RALYL: variants seen among roughly 807,000 people sequenced by gnomAD.
RALYL encodes the protein RALY RNA binding protein like.
Under a neutral mutation model 35.1 loss-of-function variants are expected in RALYL, and 29 were observed. The observed-to-expected ratio is 0.83, with a 90% CI of 0.61 to 1.13. The LOEUF is 1.13. Ranked by LOEUF, RALYL falls within the 50% of genes most tolerant of loss-of-function variation. The pLI, the probability that RALYL is intolerant of heterozygous loss-of-function variation, is 0.00. For missense variants in RALYL, 359 were observed against 360.4 expected (o/e 1.00, Z 0.03); for synonymous variants, 120 against 127.6 (o/e 0.94, Z 0.40).
At chr8:84,893,075 C>T (rs1345504828) in intron 8 of RALYL, among the ~76,000 whole-genome samples, 1 of 152,072 alleles carries the variant, frequency 6.6e-6, no homozygotes, top group East Asian at 1.9e-4. Context: ...ATGGTAAGAA[C>T]CATACAAAAA....
At chr8:84,316,030 T>C (rs142276971) in intron 1 of RALYL, among the ~76,000 whole-genome samples, 2,776 of 152,226 alleles carry the variant, frequency 0.018, 37 homozygotes, top group South Asian at 0.03. Flanking sequence ...TGTAAAATTA[T>C]CTTTACTTTG....
chr8:84,581,860 T>C (rs1318635252), intron 2 of RALYL, among the ~76,000 whole-genome samples: 1 of 152,162 alleles, frequency 6.6e-6, no homozygotes, highest in Non-Finnish European at 1.5e-5. Context: ...ATTATTCTTT[T>C]TAATCAACCA....
At chr8:84,580,575 G>A (rs1810594503) in intron 2 of RALYL, among the ~76,000 whole-genome samples, 1 of 152,088 alleles carries the variant, frequency 6.6e-6, no homozygotes, top group African/African-American at 2.4e-5. Flanking sequence ...TTGTCCATTA[G>A]GTCCCGCCTG....
chr8:84,444,384 C>T (rs1404701084), intron 1 of RALYL, among the ~76,000 whole-genome samples: 1 of 151,674 alleles, frequency 6.6e-6, no homozygotes. Context: ...CCACACACAC[C>T]CAAAACAAGA....
chr8:84,631,964 A>G (rs1329775214), intron 2 of RALYL, among the ~76,000 whole-genome samples: 3 of 151,940 alleles, frequency 2.0e-5, no homozygotes, highest in Non-Finnish European at 2.9e-5. Context: ...GCTATGTTCT[A>G]AAAGCTTGTT....
intron 2 of RALYL, among the ~76,000 whole-genome samples, chr8:84,715,976 G>A (rs746642222): frequency 1.3e-5 from 2 of 151,972 alleles, no homozygotes; most frequent in African/African-American, 2.4e-5. Flanking sequence ...CTTAGACTCC[G>A]TATAGAGTAT....
At chr8:84,392,944 A>G (rs187695320) in intron 1 of RALYL, among the ~76,000 whole-genome samples, 262 of 152,198 alleles carry the variant, frequency 1.7e-3, no homozygotes, top group African/African-American at 5.9e-3. Flanking sequence ...GTCAATTGGC[A>G]TTAAAGTGTT....
At chr8:84,488,532 C>T (rs923659312) in intron 1 of RALYL, among the ~76,000 whole-genome samples, 1 of 152,032 alleles carries the variant, frequency 6.6e-6, no homozygotes, top group Admixed American at 6.6e-5. Flanking sequence ...CTGAACCTTG[C>T]TCCCTTTCTT....
At chr8:84,669,776 C>A (rs574623740) in intron 2 of RALYL, among the ~76,000 whole-genome samples, 1 of 152,052 alleles carries the variant, frequency 6.6e-6, no homozygotes, top group African/African-American at 2.4e-5. Flanking sequence ...AGGTGTGTCC[C>A]AACTCCTGCC....
intron 1 of RALYL, among the ~76,000 whole-genome samples, chr8:84,406,372 C>T (rs2043500819): frequency 6.6e-6 from 1 of 151,904 alleles, no homozygotes; most frequent in African/African-American, 2.4e-5. Flanking sequence ...CTCTTGTGAC[C>T]TTGGGTTGTA....
intron 5 of RALYL, among the ~76,000 whole-genome samples, chr8:84,856,555 A>G (rs1381704932): frequency 2.0e-5 from 3 of 152,224 alleles, no homozygotes; most frequent in African/African-American, 7.2e-5. Flanking sequence ...TTTAATAACA[A>G]AAAAGATCAA....
chr8:84,549,866 C>T (rs1253231284), intron 2 of RALYL, among the ~76,000 whole-genome samples: 1 of 152,186 alleles, frequency 6.6e-6, no homozygotes, highest in African/African-American at 2.4e-5. Flanking sequence ...CTAAACTCCT[C>T]AACCTTGTCA....
chr8:84,490,311 A>T (rs1037338703), intron 1 of RALYL, among the ~76,000 whole-genome samples: 5 of 151,924 alleles, frequency 3.3e-5, no homozygotes, highest in African/African-American at 4.8e-5. Flanking sequence ...CTGGCTGGAA[A>T]CTTACTCACA....
At chr8:84,689,008 G>A (rs578169796) in intron 2 of RALYL, among the ~76,000 whole-genome samples, 23 of 150,878 alleles carry the variant, frequency 1.5e-4, no homozygotes, top group Middle Eastern at 3.5e-3. Flanking sequence ...AATCCAAACC[G>A]CAATAAGATA....
chr8:84,564,792 T>C (rs1197746866), intron 2 of RALYL, among the ~76,000 whole-genome samples: 1 of 151,656 alleles, frequency 6.6e-6, no homozygotes, highest in Non-Finnish European at 1.5e-5. Context: ...CAAGTTTAAT[T>C]ACCTTACTTA....
At chr8:84,452,029 G>A (rs1368800019) in intron 1 of RALYL, among the ~76,000 whole-genome samples, 1 of 151,876 alleles carries the variant, frequency 6.6e-6, no homozygotes, top group Non-Finnish European at 1.5e-5. Flanking sequence ...GCCCTTTATT[G>A]CCAACAGTCT....
intron 1 of RALYL, among the ~76,000 whole-genome samples, chr8:84,293,594 T>C (rs1839195672): frequency 6.6e-6 from 1 of 152,182 alleles, no homozygotes; most frequent in Non-Finnish European, 1.5e-5. Flanking sequence ...CCAAACCCAT[T>C]GTGATAACAA....
intron 2 of RALYL, among the ~76,000 whole-genome samples, chr8:84,756,324 C>T (rs536397189): frequency 2.6e-5 from 4 of 152,134 alleles, no homozygotes; most frequent in Admixed American, 1.3e-4. Flanking sequence ...AGATGGCCAT[C>T]CAAATGAACA....
chr8:84,484,619 A>T (rs1238557384), intron 1 of RALYL, among the ~76,000 whole-genome samples: 1 of 152,128 alleles, frequency 6.6e-6, no homozygotes, highest in Admixed American at 6.6e-5. Context: ...AGAAAAAAAG[A>T]TCTTGCCAAT....
Sources: allele counts gnomAD v4.1 joint callset (sites outside exome capture counted in the v4.1 genomes callset), GRCh38; gene constraint gnomAD v4.1.1; transcripts MANE v1.5; gene names NCBI Gene and HGNC (gene_info 2026-07-23, HGNC 2026-07-21).